The following DOCK7 variants were observed in gnomAD, a reference collection of about 807,000 sequenced individuals.
The protein encoded by DOCK7 is dedicator of cytokinesis protein 7.
DOCK7 carries 138 observed loss-of-function variants against 271.0 expected under a neutral mutation model. That is an observed-to-expected ratio of 0.51 (90% CI 0.44 to 0.59). DOCK7 has a LOEUF of 0.59. DOCK7 is among the 20% of genes least tolerant of loss of function. The pLI, the probability that DOCK7 is intolerant of heterozygous loss-of-function variation, is 0.00. For missense variants in DOCK7, 2,066 were observed against 2,592.4 expected (o/e 0.80, Z 4.41); for synonymous variants, 823 against 876.1 (o/e 0.94, Z 1.07).
At chr1:62,485,914 T>C (rs941902099) in intron 43 of DOCK7, 1 of 154,660 alleles carries the variant, frequency 6.5e-6, no homozygotes, top group African/African-American at 2.4e-5. Flanking sequence ...GAAAATAAAG[T>C]CTGTGAGACT....
At chr1:62,601,994 G>A (rs373994255) in intron 14 of DOCK7, 14 of 657,590 alleles carry the variant, frequency 2.1e-5, no homozygotes, top group African/African-American at 1.1e-4. Flanking sequence ...AAATATATAT[G>A]AGTATTCGTA....
chr1:62,577,165 G>A (rs952815538), intron 18 of DOCK7, 97 bp downstream of exon 18: 7 of 643,566 alleles, frequency 1.1e-5, no homozygotes, highest in Non-Finnish European at 1.4e-5. Flanking sequence ...TAAACTTTAA[G>A]TAGAAGAAAT....
intron 14 of DOCK7, chr1:62,608,231 G>A (rs1490788923): frequency 6.6e-6 from 1 of 152,106 alleles, no homozygotes; most frequent in African/African-American, 2.4e-5. Context: ...GAAGAGTATA[G>A]GCCTTTGGAA....
chr1:62,553,434 C>T (rs1197207117), intron 21 of DOCK7, among the ~76,000 whole-genome samples: 2 of 129,238 alleles, frequency 1.5e-5, no homozygotes, highest in Non-Finnish European at 3.1e-5. Context: ...CACTGGAGTG[C>T]AGCAGTGAGA....
chr1:62,604,603 C>T (rs1650675540), intron 14 of DOCK7: 2 of 1,599,046 alleles, frequency 1.3e-6, no homozygotes, highest in South Asian at 1.1e-5. Context: ...CGAGTCTGTA[C>T]CCATTAAATT....
At chr1:62,663,162 A>G (rs780917999) in intron 1 of DOCK7, 32 bp from the exon 2 acceptor site, 1 of 1,330,910 alleles carries the variant, frequency 7.5e-7, no homozygotes, top group Non-Finnish European at 1.1e-6. Context: ...CATACGCATT[A>G]TTGAAAAAAA....
chr1:62,591,339 G>A (rs1490360683), intron 14 of DOCK7, among the ~76,000 whole-genome samples: 1 of 151,960 alleles, frequency 6.6e-6, no homozygotes, highest in Non-Finnish European at 1.5e-5. Context: ...CAGACACAGG[G>A]GTCTACCTGA....
In DOCK7 at chr1:62,552,771, C is replaced by T. The variant is rs747963484; in HGVS notation, c.2727G>A (p.Thr909=). 1.1e-5 allele frequency: 17 copies of T among 1,613,296 alleles called. 1 individual carries two copies. Among genetic ancestry groups the T allele is most frequent in the South Asian group, 7.7e-5 (7 of 90,980 alleles). ...NSNPDISGTP[T]SPDDEVRSII... ...TTGATCGAACTTCATCATCTGGTGA[C>T]GTGGGAGTCCCAGATATATCTGGAT... is the stretch of plus-strand genomic sequence containing the variant. The change falls in exon 22 of 50, where the codon ACG becomes ACA. Residue 909 remains threonine, a synonymous_variant. Coordinates refer to ENST00000635253, the MANE Select transcript of DOCK7 (RefSeq NM_001367561.1).
rs1328844677 is a variant in DOCK7, at chr1:62,457,565, T to A, written c.6353A>T (p.Lys2118Met). 6.2e-7 allele frequency: 1 copy of A among 1,614,164 alleles called. No homozygotes were observed. Among genetic ancestry groups the A allele is most frequent in the Admixed American group, 1.7e-5 (1 of 59,998 alleles). ...LINRKIPQLY[K>M]AVLPVTCHRD... Reference sequence around the variant, plus strand: ...GTGGCAGGTGACAGGCAATACTGCCTTGTATAACTGAGGGATCTTTCTGTT... The same window carrying A: ...GTGGCAGGTGACAGGCAATACTGCCATGTATAACTGAGGGATCTTTCTGTT... Residue 2118 changes from lysine (K) to methionine (M), a missense_variant, in exon 49 of 50, where the codon AAG (lysine) becomes ATG (methionine). By Grantham distance (95) the Lys-to-Met change is moderately conservative (BLOSUM62 -1). This residue lies in a region of DOCK7 where 652 missense variants were observed against 922.1 expected (regional missense o/e 0.71). Transcript: ENST00000635253.
At chr1:62,636,377 T>C (rs1013215368) in intron 8 of DOCK7, among the ~76,000 whole-genome samples, 160 bp downstream of exon 8, 1 of 152,236 alleles carries the variant, frequency 6.6e-6, no homozygotes, top group Non-Finnish European at 1.5e-5. Context: ...CAGTAATTTA[T>C]AAGAAAATAT....
At position 62,553,315 on chromosome 1, in the gene DOCK7, TA is replaced by T. The variant is rs1557705895; in HGVS notation, c.2597-415del. ...GGTCTTCTAAATAAAAAGTATTTTATATATATATATATATATATATATATAT... is the reference window on the plus strand; with the variant it reads ...GGTCTTCTAAATAAAAAGTATTTTATTATATATATATATATATATATATAT... On this transcript the variant is annotated intron_variant, in intron 21 of 49. Coordinates refer to ENST00000635253, the MANE Select transcript of DOCK7 (RefSeq NM_001367561.1). Among the ~76,000 whole-genome samples, 164 of 52,114 alleles carry T rather than the reference TA, an allele frequency of 3.1e-3. 8 individuals carry two copies. The highest frequency in any genetic ancestry group is 5.4e-3 in the Admixed American group (20 of 3,708). The allele number at this position is 52,114 out of a possible 152,430, so 34.2% of individuals were successfully genotyped here.
Position 62,469,938 on chromosome 1 carries a change from G to T in DOCK7, c.6212+4044C>A, listed in dbSNP as rs1208195982. 2.0e-5 allele frequency among the ~76,000 whole-genome samples: 3 copies of T among 151,878 alleles called. No homozygotes were observed. In the East Asian group the frequency reaches 5.8e-4, roughly 29 times the overall value. On this transcript the variant is annotated intron_variant, in intron 48 of 49. Transcript: ENST00000635253. Reference sequence around the variant, plus strand: ...AAAAAAAAAAATGGATACTGGTGTGGATGCGGTAAAAAGGGAATACTTCTG... The same window carrying T: ...AAAAAAAAAAATGGATACTGGTGTGTATGCGGTAAAAAGGGAATACTTCTG...
intron 4 of DOCK7, among the ~76,000 whole-genome samples, chr1:62,651,459 A>G (rs1657359278): frequency 6.6e-6 from 1 of 150,560 alleles, no homozygotes; most frequent in Non-Finnish European, 1.5e-5. Flanking sequence ...TAAAAAAAAA[A>G]AAAAGAAAAA....
intron 48 of DOCK7, among the ~76,000 whole-genome samples, chr1:62,466,232 T>C (rs1645672696): frequency 6.6e-6 from 1 of 151,794 alleles, no homozygotes; most frequent in South Asian, 2.1e-4. Flanking sequence ...AGATTTTTAA[T>C]GCAGATAAAA....
At chr1:62,520,124 G>A (rs991842939) in intron 31 of DOCK7, among the ~76,000 whole-genome samples, 1 of 152,056 alleles carries the variant, frequency 6.6e-6, no homozygotes, top group Non-Finnish European at 1.5e-5. Flanking sequence ...AGACTTAAAC[G>A]TAAGACCTAA....
At position 62,545,033 on chromosome 1, in the gene DOCK7, C is replaced by G. The variant is rs1645656510; in HGVS notation, c.2773G>C (p.Asp925His). ...GTGTTAACCCAGGAATTGGAGCGAT[C>G]TAAACCCTAAGCATATAATAGAAAG... ...VRSIIGSKGL[D>H]RSNSWVNTGG... is the part of the protein sequence containing the mutation. The change falls in exon 23 of 50, where the codon GAT becomes CAT. Residue 925 changes from aspartate to histidine, a missense_variant. Physicochemically the swap from Asp to His is moderately conservative, Grantham distance 81 (BLOSUM62 -1). Coordinates refer to ENST00000635253, the MANE Select transcript of DOCK7 (RefSeq NM_001367561.1). The G allele has an allele frequency of 1.3e-6, 2 of 1,548,872 alleles. No individual in the cohort carries two copies. Among genetic ancestry groups the G allele is most frequent in the Non-Finnish European group, 1.7e-6 (2 of 1,146,032 alleles).
chr1:62,634,744 T>C, intron 9 of DOCK7, 29 bp downstream of exon 9: 1 of 1,590,900 alleles, frequency 6.3e-7, no homozygotes, highest in Non-Finnish European at 8.6e-7. Flanking sequence ...CACTACAAAA[T>C]AAACAAATAT....
intron 38 of DOCK7, 38 bp from the exon 39 acceptor site, chr1:62,495,719 G>T: frequency 6.8e-7 from 1 of 1,477,498 alleles, no homozygotes; most frequent in Admixed American, 2.3e-5. Context: ...TTCTTGAATT[G>T]TCATTCATCC....
chr1:62,455,550 T>TA, intron 49 of DOCK7, 94 bp from the exon 50 acceptor site: 1 of 1,211,278 alleles, frequency 8.3e-7, no homozygotes, highest in Non-Finnish European at 1.2e-6. Flanking sequence ...CCAGTTACCT[T>TA]AAAGTTTTGC....
Sources: allele counts gnomAD v4.1 joint callset (sites outside exome capture counted in the v4.1 genomes callset), GRCh38; gene constraint gnomAD v4.1.1; regional missense constraint gnomAD v4.1.1; transcripts MANE v1.5; gene names NCBI Gene and HGNC (gene_info 2026-07-23, HGNC 2026-07-21).